The following ASTN2 variants were observed in gnomAD, a reference collection of about 807,000 sequenced individuals.
The protein encoded by ASTN2 is astrotactin-2.
In ASTN2, 54 loss-of-function variants were observed where a neutral mutation model predicts 139.8. That is an observed-to-expected ratio of 0.39 (90% CI 0.31 to 0.48). The LOEUF is 0.48. ASTN2 is among the 20% of genes least tolerant of loss of function. The pLI, the probability that ASTN2 is intolerant of heterozygous loss-of-function variation, is 0.95. For synonymous variants in ASTN2, 756 were observed against 719.5 expected (o/e 1.05, Z -0.81); for missense variants, 1,565 against 1,725.1 (o/e 0.91, Z 1.64).
intron 1 of ASTN2, among the ~76,000 whole-genome samples, chr9:117,376,179 T>C (rs1414499351): frequency 6.6e-6 from 1 of 152,176 alleles, no homozygotes; most frequent in Non-Finnish European, 1.5e-5. Context: ...CACCACAGGA[T>C]GGCAGAAGCA....
At chr9:117,078,899 C>G (rs945909098) in intron 5 of ASTN2, among the ~76,000 whole-genome samples, 1 of 152,120 alleles carries the variant, frequency 6.6e-6, no homozygotes, top group Admixed American at 6.5e-5. Context: ...CCATGCCCTG[C>G]TAATTTTTGT....
chr9:116,738,478 G>GA (rs796987477), intron 13 of ASTN2, among the ~76,000 whole-genome samples: 150 of 135,898 alleles, frequency 1.1e-3, no homozygotes, highest in Middle Eastern at 3.8e-3. Flanking sequence ...CATCTCAGAA[G>GA]AAAAAAAAAA....
In ASTN2 at chr9:117,129,016, C is replaced by T. The variant is rs184418534; in HGVS notation, c.1168+12310G>A. 2.8e-3 allele frequency among the ~76,000 whole-genome samples: 431 copies of T among 152,254 alleles called. 2 individuals are homozygous for T. Among genetic ancestry groups the T allele is most frequent in the Admixed American group, 5.6e-3 (86 of 15,288 alleles). On this transcript the variant is annotated intron_variant, in intron 4 of 22. Coordinates refer to ENST00000313400, the MANE Select transcript of ASTN2 (RefSeq NM_001365068.1). ...TCCTTCCTACAACATGTGGAAATCA[C>T]GGGAGTACAATTCAAGATGATATTT...
At chr9:116,551,506 A>G (rs147538668) in intron 19 of ASTN2, among the ~76,000 whole-genome samples, 3 of 151,636 alleles carry the variant, frequency 2.0e-5, no homozygotes, top group African/African-American at 7.3e-5. Context: ...GCCCTTCCTG[A>G]CTCCTTGGGA....
chr9:116,723,386 G>C (rs528918708), intron 16 of ASTN2, among the ~76,000 whole-genome samples: 14 of 152,296 alleles, frequency 9.2e-5, no homozygotes, highest in African/African-American at 2.6e-4. Flanking sequence ...CTGAGACTTA[G>C]AAGTTCCTTT....
intron 20 of ASTN2, among the ~76,000 whole-genome samples, chr9:116,471,334 C>T (rs1195543533): frequency 6.6e-6 from 1 of 152,138 alleles, no homozygotes; most frequent in Non-Finnish European, 1.5e-5. Flanking sequence ...AGCTTCCCGG[C>T]CTTTCTTGCT....
chr9:116,839,881 A>ATTATTT (rs55634992), intron 11 of ASTN2, among the ~76,000 whole-genome samples: 20,146 of 127,320 alleles, frequency 0.16, 2,002 homozygotes, highest in Non-Finnish European at 0.22. Flanking sequence ...TATTATTATT[A>ATTATTT]TTTTTTTTTT....
chr9:117,050,545 G>C (rs1399072016), intron 5 of ASTN2, among the ~76,000 whole-genome samples: 1 of 152,058 alleles, frequency 6.6e-6, no homozygotes, highest in Non-Finnish European at 1.5e-5. Context: ...GTAAGCACCA[G>C]GCAAAGCTGT....
chr9:116,487,303 T>C, intron 20 of ASTN2, 56 bp downstream of exon 20: 1 of 1,598,444 alleles, frequency 6.3e-7, no homozygotes, highest in Admixed American at 1.7e-5. Flanking sequence ...CCATTCCTCT[T>C]AGGCTTAAAA....
At chr9:116,869,862 G>C (rs557398458) in intron 10 of ASTN2, among the ~76,000 whole-genome samples, 10 of 152,188 alleles carry the variant, frequency 6.6e-5, no homozygotes, top group Admixed American at 3.3e-4. Context: ...TCAGCTCTTT[G>C]AGAGACTGAG....
intron 16 of ASTN2, among the ~76,000 whole-genome samples, chr9:116,682,588 G>A (rs915744789): frequency 6.6e-6 from 1 of 152,196 alleles, no homozygotes; most frequent in Non-Finnish European, 1.5e-5. Flanking sequence ...TATGTTTACT[G>A]TGGCACTATT....
chr9:116,757,425 A>G (rs1003797183), intron 13 of ASTN2, among the ~76,000 whole-genome samples: 1 of 152,208 alleles, frequency 6.6e-6, no homozygotes, highest in African/African-American at 2.4e-5. Flanking sequence ...GAACATGCCC[A>G]TGGCTCAGGG....
intron 5 of ASTN2, among the ~76,000 whole-genome samples, chr9:117,074,530 A>C (rs1004924043): frequency 3.3e-5 from 5 of 152,126 alleles, no homozygotes; most frequent in African/African-American, 1.2e-4. Flanking sequence ...GTGTTTGTGG[A>C]AGTGTGAGCA....
intron 1 of ASTN2, among the ~76,000 whole-genome samples, chr9:117,370,717 T>G (rs1021071807): frequency 2.0e-5 from 3 of 147,872 alleles, no homozygotes; most frequent in Non-Finnish European, 4.5e-5. Flanking sequence ...CTCTTTTTTT[T>G]CCCCCTAGAG....
chr9:116,701,605 A>C (rs1861171913), intron 16 of ASTN2, among the ~76,000 whole-genome samples: 1 of 152,202 alleles, frequency 6.6e-6, no homozygotes, highest in South Asian at 2.1e-4. Flanking sequence ...GGAATCCTCC[A>C]GCTGTCTGTG....
chr9:116,788,001 A>T (rs199726590), intron 13 of ASTN2, among the ~76,000 whole-genome samples: 2 of 152,304 alleles, frequency 1.3e-5, no homozygotes, highest in Admixed American at 6.5e-5. Flanking sequence ...AAAATAAAAA[A>T]ATATATTTTT....
chr9:116,922,631 T>C (rs1164265288), intron 10 of ASTN2, among the ~76,000 whole-genome samples: 1 of 152,224 alleles, frequency 6.6e-6, no homozygotes, highest in Non-Finnish European at 1.5e-5. Context: ...ACATCTGTGT[T>C]ATGGAATATT....
At chr9:116,692,655 A>G (rs1474215350) in intron 16 of ASTN2, among the ~76,000 whole-genome samples, 1 of 152,176 alleles carries the variant, frequency 6.6e-6, no homozygotes, top group Non-Finnish European at 1.5e-5. Flanking sequence ...CTTAATCTAT[A>G]TAATACTGTC....
intron 13 of ASTN2, among the ~76,000 whole-genome samples, chr9:116,775,719 A>AAGGAAGGAAGGAAGGGGAAGGG (rs1830069687): frequency 7.8e-6 from 1 of 127,518 alleles, no homozygotes; most frequent in Non-Finnish European, 1.6e-5. Flanking sequence ...GGAAAGAAGG[A>AAGGAAGGAAGGAAGGGGAAGGG]AGGAAGGAAG....
Sources: allele counts gnomAD v4.1 joint callset (sites outside exome capture counted in the v4.1 genomes callset), GRCh38; gene constraint gnomAD v4.1.1; transcripts MANE v1.5; gene names NCBI Gene and HGNC (gene_info 2026-07-23, HGNC 2026-07-21).